Variants in TLK2 observed in about 807,000 individuals in gnomAD.
TLK2 encodes the protein tousled like kinase 2.
TLK2 carries 6 observed loss-of-function variants against 117.3 expected under a neutral mutation model. That is an observed-to-expected ratio of 0.05 (90% CI 0.03 to 0.10). The LOEUF (loss-of-function observed/expected upper bound fraction) is 0.10. TLK2 is among the 10% of genes least tolerant of loss of function. The probability of loss-of-function intolerance (pLI) is 1.00; values close to 1 mark genes in which losing one functional copy is unlikely to be tolerated. For synonymous variants in TLK2, 257 were observed against 316.7 expected (o/e 0.81, Z 2.00); for missense variants, 299 against 901.2 (o/e 0.33, Z 8.56).
At chr17:62,588,136 A>G (rs887797229) in intron 16 of TLK2, among the ~76,000 whole-genome samples, 1 of 151,320 alleles carries the variant, frequency 6.6e-6, no homozygotes, top group African/African-American at 2.4e-5. Context: ...CTGTATATGT[A>G]TAAAATATAC....
At chr17:62,551,384 T>G (rs1476312687) in intron 7 of TLK2, among the ~76,000 whole-genome samples, 2 of 152,204 alleles carry the variant, frequency 1.3e-5, no homozygotes, top group African/African-American at 4.8e-5. Flanking sequence ...GGTCATACTT[T>G]GTTAGCTGCA....
At chr17:62,573,487 A>C in intron 12 of TLK2, 120 bp downstream of exon 12, 1 of 1,321,956 alleles carries the variant, frequency 7.6e-7, no homozygotes, top group South Asian at 1.6e-5. Flanking sequence ...CCTTCTTTTC[A>C]GTTACATTAA....
chr17:62,487,383 T>G (rs1212117919), intron 2 of TLK2, among the ~76,000 whole-genome samples: 3 of 149,964 alleles, frequency 2.0e-5, no homozygotes, highest in Non-Finnish European at 4.4e-5. Context: ...ACTAGATAAG[T>G]CAGCACGCGC....
At chr17:62,523,987 A>G (rs1176502254) in intron 5 of TLK2, among the ~76,000 whole-genome samples, 1 of 152,096 alleles carries the variant, frequency 6.6e-6, no homozygotes, top group Non-Finnish European at 1.5e-5. Context: ...TTTCAAAATC[A>G]TGTATACCTT....
In TLK2 at chr17:62,512,942, G is replaced by A. The variant is rs1226352317; in HGVS notation, c.82-7831G>A. Among the ~76,000 whole-genome samples, 16 of 150,370 alleles carry A rather than the reference G, an allele frequency of 1.1e-4. No individual in the cohort carries two copies. The South Asian group carries it at 1.7e-3, about 16-fold the overall frequency. The stretch of plus-strand genomic sequence containing the variant: ...TGCCCGGGCTGGAGTGCAATGGTGC[G>A]ATCTCAGCTCATTGCAACCTCTGCC... On this transcript the variant is annotated intron_variant, in intron 2 of 21. Transcript: ENST00000346027.
intron 2 of TLK2, among the ~76,000 whole-genome samples, chr17:62,514,148 A>T (rs548546381): frequency 2.8e-5 from 4 of 144,860 alleles, no homozygotes; most frequent in East Asian, 4.1e-4. Context: ...ATAAATAATA[A>T]TTTTTTTTTT....
At chr17:62,554,891 A>T (rs935603424) in intron 9 of TLK2, among the ~76,000 whole-genome samples, 2 of 147,758 alleles carry the variant, frequency 1.4e-5, no homozygotes, top group African/African-American at 2.5e-5. Context: ...AAAAAAAAAA[A>T]TTATACATGC....
intron 10 of TLK2, among the ~76,000 whole-genome samples, chr17:62,564,032 A>C (rs1410718029): frequency 2.6e-5 from 4 of 152,170 alleles, no homozygotes; most frequent in African/African-American, 9.7e-5. Flanking sequence ...ATAGAGAAGA[A>C]ACAGAAAATA....
chr17:62,576,572 A>G (rs2080802853), intron 12 of TLK2, 137 bp from the exon 13 acceptor site: 1 of 676,278 alleles, frequency 1.5e-6, no homozygotes, highest in Non-Finnish European at 2.6e-6. Context: ...TCAGAGGACT[A>G]CAAGATAACC....
chr17:62,472,892 G>A (rs1444597956), intron 1 of TLK2, among the ~76,000 whole-genome samples: 4 of 152,138 alleles, frequency 2.6e-5, no homozygotes, highest in African/African-American at 9.7e-5. Context: ...CCTGACCACA[G>A]GTCACTTGAA....
chr17:62,574,387 C>T, intron 12 of TLK2: 2 of 1,481,496 alleles, frequency 1.3e-6, no homozygotes, highest in Non-Finnish European at 9.2e-7. Flanking sequence ...CAGCCCCAGC[C>T]TTAGGAGCCC....
intron 18 of TLK2, among the ~76,000 whole-genome samples, chr17:62,601,160 C>T (rs1020940245): frequency 6.6e-6 from 1 of 152,154 alleles, no homozygotes; most frequent in African/African-American, 2.4e-5. Context: ...CTTCAGGTCT[C>T]TTTGATAAGA....
chr17:62,555,083 C>T (rs1383096907), intron 9 of TLK2, among the ~76,000 whole-genome samples: 1 of 151,668 alleles, frequency 6.6e-6, no homozygotes, highest in African/African-American at 2.4e-5. Context: ...ATAACATTGG[C>T]TAGCATTTTT....
intron 7 of TLK2, among the ~76,000 whole-genome samples, chr17:62,546,141 C>T (rs1448580069): frequency 3.3e-5 from 5 of 152,010 alleles, no homozygotes; most frequent in Admixed American, 1.3e-4. Flanking sequence ...CTTGGCCTCC[C>T]AGAATGCTGG....
intron 2 of TLK2, chr17:62,508,569 A>G (rs2074901956): frequency 1.0e-6 from 1 of 984,928 alleles, no homozygotes; most frequent in African/African-American, 1.7e-5. Flanking sequence ...GAGGACTTAC[A>G]AAAAGAAAAT....
Position 62,522,209 on chromosome 17 carries a change from C to T in TLK2, c.159C>T (p.Pro53=), listed in dbSNP as rs771534125. ...GSLSDKEVET[P]EKKQNDQRNR... ...ACTTATATGGTATTTGACAGACTCC[C>T]GAGAAAAAGCAGAATGACCAGCGAA... Residue 53 remains proline (P), a synonymous_variant, in exon 4 of 22, where the codon CCC becomes CCT. Transcript: ENST00000346027. 2.4e-5 allele frequency: 39 copies of T among 1,612,538 alleles called. No homozygotes were observed. Among genetic ancestry groups the T allele is most frequent in the South Asian group, 3.3e-5 (3 of 90,820 alleles).
At chr17:62,558,883 A>C (rs1008996402) in intron 9 of TLK2, among the ~76,000 whole-genome samples, 3 of 152,242 alleles carry the variant, frequency 2.0e-5, no homozygotes, top group African/African-American at 7.2e-5. Flanking sequence ...GGTCTCAAAA[A>C]TTGAGTATCG....
At chr17:62,603,705 C>T (rs1243519904) in intron 19 of TLK2, among the ~76,000 whole-genome samples, 1 of 152,056 alleles carries the variant, frequency 6.6e-6, no homozygotes, top group Admixed American at 6.6e-5. Context: ...ATTCTTGAAG[C>T]TGGATGGTGC....
chr17:62,532,673 C>T (rs1199913898), intron 6 of TLK2, among the ~76,000 whole-genome samples: 1 of 152,072 alleles, frequency 6.6e-6, no homozygotes, highest in African/African-American at 2.4e-5. Context: ...GCAAATATTT[C>T]TAGACTTTTT....
Sources: allele counts gnomAD v4.1 joint callset (sites outside exome capture counted in the v4.1 genomes callset), GRCh38; gene constraint gnomAD v4.1.1; transcripts MANE v1.5; gene names NCBI Gene and HGNC (gene_info 2026-07-23, HGNC 2026-07-21).